The following CNBD1 variants were observed in gnomAD, a reference collection of about 807,000 sequenced individuals.
The protein encoded by CNBD1 is cyclic nucleotide binding domain containing 1.
A neutral mutation model predicts 54.4 loss-of-function variants in CNBD1; 71 were observed. The observed-to-expected ratio is 1.30, with a 90% CI of 1.08 to 1.59. CNBD1 has a LOEUF of 1.59. Among genes scored for constraint, CNBD1 ranks in the 40% most tolerant of loss-of-function variants. The pLI is 0.00. For synonymous variants in CNBD1, 182 were observed against 170.7 expected, an observed-to-expected ratio of 1.07 and a Z score of -0.51; for missense variants, 659 against 518.0, an observed-to-expected ratio of 1.27 and a Z score of -2.64.
chr8:87,226,799 G>C (rs1250942783), intron 5 of CNBD1, among the ~76,000 whole-genome samples: 1 of 151,190 alleles, frequency 6.6e-6, no homozygotes, highest in Non-Finnish European at 1.5e-5. Context: ...TATCCTTGTT[G>C]ACTTTCTGTC....
intron 2 of CNBD1, among the ~76,000 whole-genome samples, chr8:87,425,673 C>A (rs1397192451): frequency 3.3e-5 from 5 of 151,652 alleles, no homozygotes; most frequent in Admixed American, 6.6e-5. Flanking sequence ...GCAGTCTGCC[C>A]GTTCTCAGAT....
At chr8:87,013,034 T>C (rs958643117) in intron 4 of CNBD1, among the ~76,000 whole-genome samples, 82 of 152,284 alleles carry the variant, frequency 5.4e-4, no homozygotes, top group African/African-American at 1.9e-3. Flanking sequence ...TTGTCAACAA[T>C]ATAAAGAGAG....
intron 2 of CNBD1, among the ~76,000 whole-genome samples, chr8:87,425,788 C>T (rs1318445905): frequency 2.0e-5 from 3 of 151,612 alleles, no homozygotes; most frequent in South Asian, 4.2e-4. Context: ...CTGTGCCCTG[C>T]CCCCAGAGGT....
rs189053859 is a variant in CNBD1 at position 87,175,942 on chromosome 8, C to A, written c.432-30051C>A. On this transcript the variant is annotated intron_variant, in intron 4 of 10. Transcript: ENST00000518476. ...CTGGCTAGGGCGGGTCTGAATACCC[C>A]CTCCATTGGTGGGGGTCAGCTGAGT... Among the ~76,000 whole-genome samples the A allele has an allele frequency of 2.1e-4, 32 of 152,244 alleles. 2 individuals carry two copies. The South Asian group carries it at 3.9e-3, about 19-fold the overall frequency.
intron 2 of CNBD1, among the ~76,000 whole-genome samples, chr8:87,424,552 G>A (rs1280311271): frequency 4.6e-5 from 7 of 152,136 alleles, no homozygotes. Flanking sequence ...TCATTCAGGA[G>A]CAGGTTGTTC....
At chr8:87,386,722 G>A (rs1051352045), downstream of CNBD1, among the ~76,000 whole-genome samples, 1 of 152,158 alleles carries the variant, frequency 6.6e-6, no homozygotes, top group Non-Finnish European at 1.5e-5. Flanking sequence ...ATGTAGCAAG[G>A]CAGGCCAACA....
At chr8:87,325,616 G>T (rs1809650222) in intron 8 of CNBD1, among the ~76,000 whole-genome samples, 1 of 135,478 alleles carries the variant, frequency 7.4e-6, no homozygotes, top group African/African-American at 2.9e-5. Context: ...TCAGAGACTA[G>T]GATTGCAACC....
chr8:87,183,792 CA>C (rs1424817358), intron 4 of CNBD1, among the ~76,000 whole-genome samples: 1 of 152,170 alleles, frequency 6.6e-6, no homozygotes, highest in Non-Finnish European at 1.5e-5. Context: ...TGGATGCTTT[CA>C]GGGGGACAAA....
chr8:86,967,134 A>G (rs990629274), intron 4 of CNBD1, among the ~76,000 whole-genome samples: 1 of 152,198 alleles, frequency 6.6e-6, no homozygotes, highest in Non-Finnish European at 1.5e-5. Context: ...GAGAGAGGCC[A>G]GGCAGCCAGA....
At chr8:87,115,812 G>T (rs1811755531) in intron 4 of CNBD1, among the ~76,000 whole-genome samples, 1 of 152,110 alleles carries the variant, frequency 6.6e-6, no homozygotes, top group Admixed American at 6.6e-5. Flanking sequence ...TAAGCCCTCT[G>T]GAAGCTACCT....
intron 1 of CNBD1, among the ~76,000 whole-genome samples, chr8:86,883,082 T>C (rs1266743017): frequency 6.6e-6 from 1 of 152,084 alleles, no homozygotes; most frequent in East Asian, 1.9e-4. Flanking sequence ...CTAGGCTTAA[T>C]ATCTGGGTGA....
intron 5 of CNBD1, among the ~76,000 whole-genome samples, 157 bp downstream of exon 5, chr8:87,206,295 G>C (rs1251626625): frequency 1.3e-5 from 2 of 152,130 alleles, no homozygotes; most frequent in Non-Finnish European, 2.9e-5. Flanking sequence ...TTTATAAGTA[G>C]TGAAATGAAT....
intron 4 of CNBD1, among the ~76,000 whole-genome samples, chr8:86,986,228 C>T (rs578142963): frequency 5.9e-5 from 9 of 152,130 alleles, no homozygotes; most frequent in Non-Finnish European, 1.2e-4. Flanking sequence ...ATGCCCAGCC[C>T]TCACTGTGGT....
At position 86,870,189 on chromosome 8, in the gene CNBD1, C is replaced by CCTTTTTTTT. The variant is rs1554626453; in HGVS notation, c.88+3606_88+3607insCTTTTTTTT. ...AGAAATTTAGAAACAAGATAGTACT[C>CCTTTTTTTT]TTTTTTTTTTTTTTTCTGAGACGGA... On this transcript the variant is annotated intron_variant, in intron 1 of 10. Coordinates refer to ENST00000518476, the MANE Select transcript of CNBD1 (RefSeq NM_173538.3). Among the ~76,000 whole-genome samples, 49 of 100,600 alleles carry CCTTTTTTTT rather than the reference C, an allele frequency of 4.9e-4. 4 individuals carry two copies. The highest frequency in any genetic ancestry group is 1.7e-3 in the African/African-American group (42 of 24,912). The allele number at this position is 100,600 out of a possible 152,430, so 66.0% of individuals were successfully genotyped here.
intron 5 of CNBD1, among the ~76,000 whole-genome samples, chr8:87,220,116 T>C (rs1180636889): frequency 6.6e-6 from 1 of 152,042 alleles, no homozygotes; most frequent in Non-Finnish European, 1.5e-5. Context: ...ATTATAAAAT[T>C]ATAAATTATT....
chr8:86,995,499 G>A (rs925208243), intron 4 of CNBD1, among the ~76,000 whole-genome samples: 4 of 152,178 alleles, frequency 2.6e-5, no homozygotes, highest in Admixed American at 2.0e-4. Context: ...CTCTAATTCT[G>A]ACTCAGGATA....
At chr8:86,909,105 A>G (rs946368087) in intron 3 of CNBD1, among the ~76,000 whole-genome samples, 1 of 152,122 alleles carries the variant, frequency 6.6e-6, no homozygotes, top group Non-Finnish European at 1.5e-5. Context: ...CCTGTTCCCA[A>G]TAAACATAAT....
intron 6 of CNBD1, among the ~76,000 whole-genome samples, chr8:87,278,681 C>G (rs1387501722): frequency 2.0e-5 from 3 of 151,488 alleles, no homozygotes; most frequent in African/African-American, 7.2e-5. Context: ...TTGGCAGAAA[C>G]AAAGTTATCC....
intron 4 of CNBD1, among the ~76,000 whole-genome samples, chr8:87,191,053 T>G (rs1030371888): frequency 4.6e-5 from 7 of 151,796 alleles, no homozygotes; most frequent in African/African-American, 1.7e-4. Context: ...TTCACTATTA[T>G]ACAGCAAAGC....
Sources: allele counts gnomAD v4.1 joint callset (sites outside exome capture counted in the v4.1 genomes callset), GRCh38; gene constraint gnomAD v4.1.1; transcripts MANE v1.5; gene names NCBI Gene and HGNC (gene_info 2026-07-23, HGNC 2026-07-21).